Variants in KAZN observed in about 807,000 individuals in gnomAD.
KAZN encodes kazrin, periplakin interacting protein, also known as kazrin.
Under a neutral mutation model 87.4 loss-of-function variants are expected in KAZN, and 40 were observed. The ratio of observed to expected loss-of-function variants is 0.46; its 90% CI spans 0.36 to 0.60. The LOEUF (loss-of-function observed/expected upper bound fraction) is 0.60. KAZN is among the 20% of genes least tolerant of loss of function. The probability of loss-of-function intolerance (pLI) is 0.00; values close to 1 mark genes in which losing one functional copy is unlikely to be tolerated. For missense variants in KAZN, 898 were observed against 1,073.9 expected, an observed-to-expected ratio of 0.84 and a Z score of 2.29; for synonymous variants, 466 against 458.3, an observed-to-expected ratio of 1.02 and a Z score of -0.22.
intron 4 of KAZN, among the ~76,000 whole-genome samples, chr1:15,050,083 C>CAGTAG (rs1465856173): frequency 0.013 from 1,114 of 88,424 alleles, 16 homozygotes; most frequent in African/African-American, 0.057. Context: ...GAGTAGAGTA[C>CAGTAG]AGTAGAGTAC....
intron 2 of KAZN, chr1:14,350,869 C>G (rs1658487902): frequency 6.6e-6 from 1 of 152,298 alleles, no homozygotes; most frequent in Non-Finnish European, 1.5e-5. Flanking sequence ...TGACAGTCAC[C>G]TGTTTCGAGG....
intron 3 of KAZN, among the ~76,000 whole-genome samples, chr1:15,035,147 C>G (rs139400732): frequency 2.0e-5 from 3 of 152,062 alleles, no homozygotes; most frequent in Non-Finnish European, 4.4e-5. Flanking sequence ...TGTGTGCCCT[C>G]GCAGGTCTCG....
rs1426197901 is a variant in KAZN at position 14,103,913 on chromosome 1, A to G, written c.92-76522A>G. Among the ~76,000 whole-genome samples, 7 of 152,198 alleles carry G rather than the reference A, an allele frequency of 4.6e-5. No homozygotes were observed. The South Asian group carries it at 1.5e-3, about 32-fold the overall frequency. ...TCCCCAAACCTAGAGATCAACACAG[A>G]TAATTTCTCTGTGTTAAACTCTCCA... On this transcript the variant is annotated intron_variant, in intron 1 of 16. Transcript: ENST00000636203.
At chr1:14,970,763 G>A (rs1020586469) in intron 2 of KAZN, among the ~76,000 whole-genome samples, 3 of 152,178 alleles carry the variant, frequency 2.0e-5, no homozygotes, top group Admixed American at 2.0e-4. Flanking sequence ...TGAGAACAAC[G>A]GAAAGGCTGG....
At chr1:14,030,435 T>TG (rs1191788056) in intron 1 of KAZN, among the ~76,000 whole-genome samples, 1 of 41,480 alleles carries the variant, frequency 2.4e-5, no homozygotes, top group Non-Finnish European at 4.8e-5. Flanking sequence ...TGTGGTGGGG[T>TG]GGGGGGAGGG....
chr1:14,355,175 G>A (rs1050420550), intron 2 of KAZN, among the ~76,000 whole-genome samples: 2 of 152,102 alleles, frequency 1.3e-5, no homozygotes, highest in Non-Finnish European at 2.9e-5. Context: ...CAAGAAAATG[G>A]TTGCTTTGGG....
chr1:14,267,970 GAGAAA>G (rs926677871), intron 2 of KAZN, among the ~76,000 whole-genome samples: 34 of 152,124 alleles, frequency 2.2e-4, no homozygotes, highest in African/African-American at 7.7e-4. Context: ...GAAAAGAAAA[GAGAAA>G]AGAAAAGCTG....
intron 1 of KAZN, among the ~76,000 whole-genome samples, chr1:13,919,393 T>C (rs1459712867): frequency 6.6e-6 from 1 of 152,252 alleles, no homozygotes; most frequent in African/African-American, 2.4e-5. Flanking sequence ...TGGCTCTTTT[T>C]CATTACTATA....
At chr1:14,128,038 G>T (rs897351519) in intron 1 of KAZN, among the ~76,000 whole-genome samples, 1 of 152,180 alleles carries the variant, frequency 6.6e-6, no homozygotes, top group African/African-American at 2.4e-5. Context: ...GAAGGTCCCA[G>T]GAGGCTGAGT....
intron 1 of KAZN, among the ~76,000 whole-genome samples, chr1:14,929,640 C>T (rs7512460): frequency 0.16 from 24,936 of 152,142 alleles, 2,707 homozygotes; most frequent in African/African-American, 0.3. Flanking sequence ...CCGAAGCCAT[C>T]GCCCTGGGGA....
intron 1 of KAZN, among the ~76,000 whole-genome samples, chr1:14,786,108 C>A (rs1645501213): frequency 6.6e-6 from 1 of 152,204 alleles, no homozygotes; most frequent in Non-Finnish European, 1.5e-5. Flanking sequence ...GAATTCTTAT[C>A]ATTGTAATTA....
intron 1 of KAZN, among the ~76,000 whole-genome samples, chr1:14,937,210 C>T (rs897269167): frequency 6.6e-6 from 1 of 152,250 alleles, no homozygotes; most frequent in Admixed American, 6.5e-5. Flanking sequence ...CCTCAGCAAG[C>T]CTGTGTCTAT....
intron 2 of KAZN, among the ~76,000 whole-genome samples, chr1:14,473,997 A>G (rs1221671224): frequency 6.6e-6 from 1 of 152,166 alleles, no homozygotes. Flanking sequence ...GCATTTATTT[A>G]TAGAAATTGC....
In KAZN at chr1:14,978,018, G is replaced by A. The variant is rs558295232; in HGVS notation, c.418+17143G>A. Among the ~76,000 whole-genome samples the A allele has an allele frequency of 7.3e-5, 11 of 149,936 alleles. No homozygotes were observed. The South Asian group carries it at 8.6e-4, about 12-fold the overall frequency. On this transcript the variant is annotated intron_variant, in intron 2 of 14. Coordinates refer to ENST00000376030, the MANE Select transcript of KAZN (RefSeq NM_201628.3). Reference sequence around the variant, plus strand: ...AGCGATTCTCCTGCCTCCGCCTCCCGAGTAGCTGGGATTACAGGCATGTGC... The same window carrying A: ...AGCGATTCTCCTGCCTCCGCCTCCCAAGTAGCTGGGATTACAGGCATGTGC...
At position 14,638,580 on chromosome 1, in the gene KAZN, A is replaced by AAAAAAAAAAAAACC. The variant is rs1680181744; in HGVS notation, c.226+39370_226+39371insCAAAAAAAAAAAAC. Among the ~76,000 whole-genome samples, 5 of 23,622 alleles carry AAAAAAAAAAAAACC rather than the reference A, an allele frequency of 2.1e-4. No homozygotes were observed. In the African/African-American group the frequency reaches 2.6e-3, roughly 12 times the overall value. 15.5% of individuals were successfully genotyped at this position (23,622 alleles called of 152,430 possible). The stretch of plus-strand genomic sequence containing the variant: ...CAAGACTCCGTCTCAAAAAAAAAAC[A>AAAAAAAAAAAAACC]AAAAAAAAAAAACAAAAAGGGTTGT... On this transcript the variant is annotated intron_variant, in intron 1 of 14. Coordinates refer to ENST00000376030, the MANE Select transcript of KAZN (RefSeq NM_201628.3).
chr1:14,308,841 T>G (rs1655101426), intron 2 of KAZN, among the ~76,000 whole-genome samples: 1 of 152,232 alleles, frequency 6.6e-6, no homozygotes, highest in Non-Finnish European at 1.5e-5. Context: ...CCTGTTTGCC[T>G]GTTGTGTATG....
At chr1:14,101,144 C>T (rs1644241345) in intron 1 of KAZN, among the ~76,000 whole-genome samples, 1 of 152,050 alleles carries the variant, frequency 6.6e-6, no homozygotes, top group Non-Finnish European at 1.5e-5. Flanking sequence ...TGGGAGCCCT[C>T]CCCAAATCTG....
At chr1:14,792,439 G>C (rs1645702005) in intron 1 of KAZN, among the ~76,000 whole-genome samples, 1 of 152,162 alleles carries the variant, frequency 6.6e-6, no homozygotes, top group Admixed American at 6.5e-5. Context: ...GCTTATGCTT[G>C]TAATCCCAGT....
chr1:15,109,352 G>A (rs1023591969), intron 13 of KAZN, among the ~76,000 whole-genome samples: 5 of 152,138 alleles, frequency 3.3e-5, no homozygotes, highest in Admixed American at 6.5e-5. Context: ...CTGGGCAACA[G>A]AGCGAGACCC....
Sources: allele counts gnomAD v4.1 joint callset (sites outside exome capture counted in the v4.1 genomes callset), GRCh38; gene constraint gnomAD v4.1.1; transcripts MANE v1.5; gene names NCBI Gene and HGNC (gene_info 2026-07-23, HGNC 2026-07-21).